Variants in FAM117B observed in about 807,000 individuals in gnomAD.
FAM117B encodes the protein family with sequence similarity 117 member B.
Under a neutral mutation model 52.8 loss-of-function variants are expected in FAM117B, and 22 were observed. The ratio of observed to expected loss-of-function variants is 0.42; its 90% confidence interval spans 0.30 to 0.59. FAM117B has a LOEUF of 0.59. FAM117B is among the 20% of genes least tolerant of loss of function. The probability of loss-of-function intolerance (pLI) is 0.22; values close to 1 mark genes in which losing one functional copy is unlikely to be tolerated. For missense variants in FAM117B, 678 were observed against 802.6 expected, an observed-to-expected ratio of 0.84 and a Z score of 1.88; for synonymous variants, 309 against 324.1, an observed-to-expected ratio of 0.95 and a Z score of 0.50.
chr2:202,710,539 A>G (rs1198960391), intron 2 of FAM117B, among the ~76,000 whole-genome samples: 1 of 152,182 alleles, frequency 6.6e-6, no homozygotes, highest in African/African-American at 2.4e-5. Flanking sequence ...CACCTCAAGC[A>G]TTTATAATTT....
chr2:202,762,601 T>A (rs1177329115), intron 7 of FAM117B, among the ~76,000 whole-genome samples: 1 of 152,158 alleles, frequency 6.6e-6, no homozygotes, highest in Non-Finnish European at 1.5e-5. Flanking sequence ...AGTTTTTTTC[T>A]TTCTATGTAT....
chr2:202,661,881 A>G (rs993346233), intron 1 of FAM117B, among the ~76,000 whole-genome samples: 1 of 150,998 alleles, frequency 6.6e-6, no homozygotes, highest in Non-Finnish European at 1.5e-5. Flanking sequence ...ATGCCACTGC[A>G]CTGCACTCCA....
intron 4 of FAM117B, among the ~76,000 whole-genome samples, chr2:202,727,528 TATA>T (rs1331543090): frequency 6.6e-6 from 1 of 151,950 alleles, no homozygotes; most frequent in African/African-American, 2.4e-5. Context: ...TATTTTAAAA[TATA>T]ATTAAAAGTA....
At chr2:202,763,283 A>G (rs1159694430) in intron 7 of FAM117B, among the ~76,000 whole-genome samples, 1 of 152,064 alleles carries the variant, frequency 6.6e-6, no homozygotes, top group African/African-American at 2.4e-5. Context: ...CGTGTTAGCC[A>G]GGATGGTCTC....
intron 2 of FAM117B, among the ~76,000 whole-genome samples, chr2:202,697,326 G>A (rs1049092384): frequency 7.9e-5 from 12 of 152,106 alleles, no homozygotes; most frequent in African/African-American, 2.9e-4. Flanking sequence ...CCATGCCCAG[G>A]ACTTAATACT....
rs374065082 is a variant in FAM117B at position 202,718,647 on chromosome 2, G to A, written c.754-6270G>A. Among the ~76,000 whole-genome samples, 41 of 152,214 alleles carry A rather than the reference G, an allele frequency of 2.7e-4. No homozygotes were observed. In the East Asian group the frequency reaches 5.4e-3, roughly 20 times the overall value. ...TCTTTGCATCTATATTTGTCAAGGA[G>A]TAACTAATACATTTTTTAACCTCAT... On this transcript the variant is annotated intron_variant, in intron 2 of 7. Transcript: ENST00000392238.
At chr2:202,711,500 T>C (rs1441583351) in intron 2 of FAM117B, among the ~76,000 whole-genome samples, 1 of 152,164 alleles carries the variant, frequency 6.6e-6, no homozygotes, top group Non-Finnish European at 1.5e-5. Context: ...TGGGTTGTCT[T>C]TTTCACTCTG....
intron 2 of FAM117B, among the ~76,000 whole-genome samples, chr2:202,720,698 C>T (rs536889543): frequency 2.0e-5 from 3 of 151,850 alleles, no homozygotes; most frequent in Admixed American, 2.0e-4. Flanking sequence ...CTTGGCTTCT[C>T]TTAAGTCTTT....
chr2:202,699,646 T>C (rs200656516), intron 2 of FAM117B, among the ~76,000 whole-genome samples: 1 of 152,130 alleles, frequency 6.6e-6, no homozygotes, highest in Non-Finnish European at 1.5e-5. Context: ...TTTGCAGATA[T>C]TGGGTTTCCC....
chr2:202,740,494 A>G (rs1049119031), intron 4 of FAM117B, among the ~76,000 whole-genome samples: 1 of 151,930 alleles, frequency 6.6e-6, no homozygotes, highest in African/African-American at 2.4e-5. Flanking sequence ...TTATTACTGT[A>G]TATAGTGTAT....
At chr2:202,710,120 T>C in intron 2 of FAM117B, among the ~76,000 whole-genome samples, 1 of 152,238 alleles carries the variant, frequency 6.6e-6, no homozygotes, top group East Asian at 1.9e-4. Context: ...TCTTTTGTAG[T>C]TTCACACGAG....
intron 4 of FAM117B, among the ~76,000 whole-genome samples, chr2:202,726,827 C>T (rs572243971): frequency 2.0e-4 from 30 of 151,978 alleles, no homozygotes; most frequent in African/African-American, 7.0e-4. Context: ...GAAGAAATAC[C>T]TAATGTAAAT....
intron 2 of FAM117B, among the ~76,000 whole-genome samples, chr2:202,699,578 A>G (rs1272847509): frequency 6.6e-6 from 1 of 151,676 alleles, no homozygotes; most frequent in East Asian, 1.9e-4. Flanking sequence ...GTGGGCTCTC[A>G]TCTTTGGCAA....
intron 4 of FAM117B, among the ~76,000 whole-genome samples, chr2:202,751,944 G>T (rs1691731069): frequency 1.3e-5 from 2 of 151,902 alleles, no homozygotes; most frequent in East Asian, 3.8e-4. Flanking sequence ...TCCTTTGGTA[G>T]TGGATGCTGA....
At chr2:202,744,104 T>C (rs1014904235) in intron 4 of FAM117B, among the ~76,000 whole-genome samples, 2 of 152,188 alleles carry the variant, frequency 1.3e-5, no homozygotes, top group Non-Finnish European at 2.9e-5. Context: ...AAGACAGAAT[T>C]CCAAAAACAA....
At chr2:202,726,957 AT>A (rs1691254185) in intron 4 of FAM117B, among the ~76,000 whole-genome samples, 1 of 152,144 alleles carries the variant, frequency 6.6e-6, no homozygotes, top group East Asian at 1.9e-4. Flanking sequence ...AAAAAAAAAA[AT>A]AGCTGTCTCA....
At position 202,635,568 on chromosome 2, in the gene FAM117B, C is replaced by G. The variant is rs1405627101; in HGVS notation, c.381C>G (p.Arg127=). 1 of 1,225,582 alleles carries G rather than the reference C, an allele frequency of 8.2e-7. No individual in the cohort carries two copies. Among genetic ancestry groups the G allele is most frequent in the Non-Finnish European group, 1.0e-6 (1 of 987,112 alleles). 75.9% of individuals were successfully genotyped at this position (1,225,582 alleles called of 1,614,324 possible). ...ATSTRGTSPT[R]SAAPGARGSP... ...CCACGCGAGGCACCAGCCCCACGCGCAGCGCCGCGCCTGGAGCTCGCGGGA... is the reference window on the plus strand; with the variant it reads ...CCACGCGAGGCACCAGCCCCACGCGGAGCGCCGCGCCTGGAGCTCGCGGGA... Residue 127 remains arginine, a synonymous_variant, in exon 1 of 8, where the codon CGC becomes CGG. Transcript: ENST00000392238.
chr2:202,765,864 C>T lies in FAM117B; in HGVS notation c.*100C>T, dbSNP rs1691969417. On this transcript the variant is annotated 3_prime_UTR_variant, in exon 8 of 8. Coordinates refer to ENST00000392238, the MANE Select transcript of FAM117B (RefSeq NM_173511.4). ...CGCTTCTGGTCGGCTGTGATGTGCT[C>T]CAGCTTTCCAGTGACATGTGACGGC... 9 of 1,213,100 alleles carry T rather than the reference C, an allele frequency of 7.4e-6. No individual in the cohort carries two copies. The South Asian group carries it at 1.2e-4, about 17-fold the overall frequency. The allele number at this position is 1,213,100 out of a possible 1,614,324, so 75.1% of individuals were successfully genotyped here. A position where few individuals can be genotyped will look rare whatever the true frequency, so the allele number is the denominator to read the frequency against.
chr2:202,715,254 G>T (rs1691030112), intron 2 of FAM117B, among the ~76,000 whole-genome samples: 1 of 151,120 alleles, frequency 6.6e-6, no homozygotes, highest in South Asian at 2.1e-4. Context: ...CCGGGCGGGG[G>T]CTGACCCCCC....
Sources: gnomAD v4.1 joint callset for allele counts (sites outside exome capture counted in the v4.1 genomes callset) on GRCh38, gnomAD v4.1.1 for gene constraint, MANE v1.5 for transcripts, NCBI Gene and HGNC (gene_info 2026-07-23, HGNC 2026-07-21) for gene names.